Variants in PGBD4 observed in about 807,000 individuals in gnomAD.
PGBD4 encodes the protein piggyBac transposable element-derived protein 4.
PGBD4 carries 1 observed loss-of-function variant against 0.3 expected under a neutral mutation model. That is an observed-to-expected ratio of 3.72 (90% CI 1.32 to 17.64). The LOEUF (loss-of-function observed/expected upper bound fraction) is 17.64, where lower values mean the gene tolerates loss of function less well. Among genes scored for constraint, PGBD4 ranks in the 30% most tolerant of loss-of-function variants. PGBD4 has a pLI of 0.11. For synonymous variants in PGBD4, 253 were observed against 267.7 expected, an observed-to-expected ratio of 0.95 and a Z score of 0.54; for missense variants, 624 against 719.7, an observed-to-expected ratio of 0.87 and a Z score of 1.52.
In PGBD4 at chr15:34,103,165, A is replaced by G. The variant is rs547379354; in HGVS notation, c.634A>G (p.Ile212Val). 4 of 1,614,072 alleles carry G rather than the reference A, an allele frequency of 2.5e-6. No homozygotes were observed. Among genetic ancestry groups the G allele is most frequent in the South Asian group, 2.2e-5 (2 of 91,088 alleles). ...CCTGCATTTTGTCAACAATTCTTCT[A>G]TATCTGCTGGTCAATCAAAGGCCCA... ...RCLHFVNNSS[I>V]SAGQSKAQIS... Residue 212 changes from isoleucine (I) to valine (V), a missense_variant, in exon 1 of 1, where the codon ATA becomes GTA. Transcript: ENST00000397766. The surrounding 1 kb of genome is among the most constrained non-coding windows in gnomAD (Gnocchi z 4.6).
rs1177623423 is a variant in PGBD4 at position 34,103,398 on chromosome 15, G to A, written c.867G>A (p.Trp289Ter). The part of the protein sequence containing the change: ...VLCESQSGYV[W>*]NALVHTGPGM... The stretch of plus-strand genomic sequence containing the variant: ...GTGAAAGTCAGTCTGGTTATGTGTG[G>A]AATGCGCTTGTTCACACAGGGCCTG... Residue 289 changes from tryptophan (W) to a stop codon, truncating the protein, a stop_gained, in exon 1 of 1, where the codon TGG (tryptophan) becomes TGA (stop). Coordinates refer to ENST00000397766, the MANE Select transcript of PGBD4 (RefSeq NM_152595.5). LOFTEE classifies it low-confidence loss of function (END_TRUNC). The surrounding 1 kb of genome is among the most constrained non-coding windows in gnomAD (Gnocchi z 4.6). The A allele has an allele frequency of 6.2e-7, 1 of 1,614,236 alleles. No homozygotes were observed. The highest frequency in any genetic ancestry group is 1.1e-5 in the South Asian group (1 of 91,090).
chr15:34,107,494 G>C lies in PGBD4; in HGVS notation c.*3205G>C, dbSNP rs746774387. ...GCTAGATCAAAGAGTATGTGCCTTTGTAATTTTGATGATATTGTGAAATCT... is the reference window on the plus strand; with the variant it reads ...GCTAGATCAAAGAGTATGTGCCTTTCTAATTTTGATGATATTGTGAAATCT... On this transcript the variant is annotated 3_prime_UTR_variant, in exon 1 of 1. Coordinates refer to ENST00000397766, the MANE Select transcript of PGBD4 (RefSeq NM_152595.5). 16 of 152,170 alleles carry C rather than the reference G, an allele frequency of 1.1e-4. No homozygotes were observed. The highest frequency in any genetic ancestry group is 2.2e-4 in the Non-Finnish European group (15 of 68,038). 9.4% of individuals were successfully genotyped at this position (152,170 alleles called of 1,614,324 possible). A position where few individuals can be genotyped will look rare whatever the true frequency, so the allele number is the denominator to read the frequency against.
Position 34,107,370 on chromosome 15 carries a change from T to C in PGBD4, c.*3081T>C, listed in dbSNP as rs978444528. 1 of 152,166 alleles carries C rather than the reference T, an allele frequency of 6.6e-6. No homozygotes were observed. Among genetic ancestry groups the C allele is most frequent in the Non-Finnish European group, 1.5e-5 (1 of 68,038 alleles). The allele number at this position is 152,166 out of a possible 1,614,324, so 9.4% of individuals were successfully genotyped here. ...CGAGCAACATTAAGATTGTGTCCTA[T>C]TTTACTATTCCTAATTTTGCTGAAG... On this transcript the variant is annotated 3_prime_UTR_variant, in exon 1 of 1. Coordinates refer to ENST00000397766, the MANE Select transcript of PGBD4 (RefSeq NM_152595.5).
chr15:34,107,724 T>A lies in PGBD4; in HGVS notation c.*3435T>A, dbSNP rs1261655340. On this transcript the variant is annotated 3_prime_UTR_variant, in exon 1 of 1. Transcript: ENST00000397766. ...TTGCCCAGGCTGGAGTGCAGTGGCG[T>A]GATCTCGGCTCACTGTAACCTCCGC... 6.6e-6 allele frequency: 1 copy of A among 150,874 alleles called. No homozygotes were observed. The highest frequency in any genetic ancestry group is 1.5e-5 in the Non-Finnish European group (1 of 67,878). 9.3% of individuals were successfully genotyped at this position (150,874 alleles called of 1,614,324 possible).
At position 34,103,305 on chromosome 15, in the gene PGBD4, G is replaced by T; in HGVS notation, c.774G>T (p.Gly258=). 6.2e-7 allele frequency: 1 copy of T among 1,614,166 alleles called. No homozygotes were observed. Among genetic ancestry groups the T allele is most frequent in the Non-Finnish European group, 8.5e-7 (1 of 1,180,042 alleles). The part of the protein sequence containing the change: ...AVDESLMLFK[G]PLAMKQYLPT... ...ATGAATCACTGATGCTGTTCAAGGG[G>T]CCATTAGCTATGAAGCAGTACCTCC... The change falls in exon 1 of 1, where the codon GGG becomes GGT. Residue 258 remains glycine, a synonymous_variant. Coordinates refer to ENST00000397766, the MANE Select transcript of PGBD4 (RefSeq NM_152595.5). The surrounding 1 kb of genome is among the most constrained non-coding windows in gnomAD (Gnocchi z 4.6).
At position 34,103,907 on chromosome 15, in the gene PGBD4, T is replaced by C. The variant is rs781212435; in HGVS notation, c.1376T>C (p.Leu459Pro). The C allele has an allele frequency of 6.2e-7, 1 of 1,614,088 alleles. No homozygotes were observed. The highest frequency in any genetic ancestry group is 8.5e-7 in the Non-Finnish European group (1 of 1,180,022). ...TGGTATAAGAAATTCTTTCACCATC[T>C]TCTACACATTACAGTGCTGAACTCC... ...KVWYKKFFHHLLHITVLNSYI... is the reference protein window; with the variant it reads ...KVWYKKFFHHPLHITVLNSYI... Residue 459 changes from leucine to proline, a missense_variant, in exon 1 of 1, where the codon CTT (leucine) becomes CCT (proline). By Grantham distance (98) the Leu-to-Pro change is moderately conservative (BLOSUM62 -3). Coordinates refer to ENST00000397766, the MANE Select transcript of PGBD4 (RefSeq NM_152595.5). The surrounding 1 kb of genome is among the most constrained non-coding windows in gnomAD (Gnocchi z 4.6).
Position 34,104,333 on chromosome 15 carries a change from A to C in PGBD4, c.*44A>C. 1 of 1,557,156 alleles carries C rather than the reference A, an allele frequency of 6.4e-7. No homozygotes were observed. The highest frequency in any genetic ancestry group is 8.7e-7 in the Non-Finnish European group (1 of 1,151,504). On this transcript the variant is annotated 3_prime_UTR_variant, in exon 1 of 1. Transcript: ENST00000397766. ...ATCTGTTCCATTAGGATTAGAGACA[A>C]GTTCTGTTTAGAAATAACTCCAAGA... is the stretch of plus-strand genomic sequence containing the variant.
In PGBD4 at chr15:34,103,521, C is replaced by T. The variant is rs780985754; in HGVS notation, c.990C>T (p.Leu330=). The T allele has an allele frequency of 1.1e-5, 17 of 1,614,022 alleles. No homozygotes were observed. The highest frequency in any genetic ancestry group is 3.3e-5 in the Admixed American group (2 of 59,996). ...DLLGQGYCVF[L]DNFNISPMLF... ...TTGGCCAAGGGTATTGTGTCTTCCT[C>T]GATAACTTTAATATATCTCCCATGC... The change falls in exon 1 of 1, where the codon CTC becomes CTT. Residue 330 remains leucine (L), a synonymous_variant. Transcript: ENST00000397766. The surrounding 1 kb of genome is among the most constrained non-coding windows in gnomAD (Gnocchi z 4.6).
At position 34,102,513 on chromosome 15, in the gene PGBD4, G is replaced by C; in HGVS notation, c.-19G>C. On this transcript the variant is annotated 5_prime_UTR_variant, in exon 1 of 1. Coordinates refer to ENST00000397766, the MANE Select transcript of PGBD4 (RefSeq NM_152595.5). The surrounding 1 kb of genome is among the most constrained non-coding windows in gnomAD (Gnocchi z 4.7). The stretch of plus-strand genomic sequence containing the variant: ...GTGGGATTTCCATCTACAAAATATA[G>C]TAATTCTCGATCGCTGAAATGTCAA... 1 of 1,491,132 alleles carries C rather than the reference G, an allele frequency of 6.7e-7. No individual in the cohort carries two copies. The highest frequency in any genetic ancestry group is 8.9e-7 in the Non-Finnish European group (1 of 1,121,266). 92.4% of individuals were successfully genotyped at this position (1,491,132 alleles called of 1,614,324 possible). A position where few individuals can be genotyped will look rare whatever the true frequency, so the allele number is the denominator to read the frequency against.
In PGBD4 at chr15:34,105,475, T is replaced by G. The variant is rs552043939; in HGVS notation, c.*1186T>G. On this transcript the variant is annotated 3_prime_UTR_variant, in exon 1 of 1. Transcript: ENST00000397766. ...GCATCATGGGAAAGAGTAACAGCAATTGAAAAAAGAGATTCAAGAGCCAAG... is the reference window on the plus strand; with the variant it reads ...GCATCATGGGAAAGAGTAACAGCAAGTGAAAAAAGAGATTCAAGAGCCAAG... The G allele has an allele frequency of 1.1e-4, 18 of 167,124 alleles. No individual in the cohort carries two copies. Among genetic ancestry groups the G allele is most frequent in the African/African-American group, 4.3e-4 (18 of 41,546 alleles). The allele number at this position is 167,124 out of a possible 1,614,324, so 10.4% of individuals were successfully genotyped here.
rs150359363 is a variant in PGBD4 at position 34,103,728 on chromosome 15, C to T, written c.1197C>T (p.Phe399=). 197 of 1,614,082 alleles carry T rather than the reference C, an allele frequency of 1.2e-4. No individual in the cohort carries two copies. The African/African-American group carries it at 2.3e-3, about 19-fold the overall frequency. The change falls in exon 1 of 1, where the codon TTC becomes TTT. Residue 399 remains phenylalanine, a synonymous_variant. Transcript: ENST00000397766. This position sits in a 1 kb window ranked among gnomAD's most constrained non-coding sequence, Gnocchi z 4.6. ...DGKEVTMLST[F]HNDTVIEVNN... ...AGGAGGTGACAATGTTGTCAACATT[C>T]CACAATGATACTGTGATTGAAGTAA...
rs748764234 is a variant in PGBD4 at position 34,102,994 on chromosome 15, C to T, written c.463C>T (p.Leu155Phe). ...ATGGAAAGACACTGACAATGACGAGCTCAAAGTCTTTTTTGCAGTAATGTT... is the reference window on the plus strand; with the variant it reads ...ATGGAAAGACACTGACAATGACGAGTTCAAAGTCTTTTTTGCAGTAATGTT... ...DKWKDTDNDELKVFFAVMLLQ... is the reference protein window; with the variant it reads ...DKWKDTDNDEFKVFFAVMLLQ... The change falls in exon 1 of 1, where the codon CTC becomes TTC. Residue 155 changes from leucine to phenylalanine, a missense_variant. Coordinates refer to ENST00000397766, the MANE Select transcript of PGBD4 (RefSeq NM_152595.5). This position sits in a 1 kb window ranked among gnomAD's most constrained non-coding sequence, Gnocchi z 4.7. 6.2e-7 allele frequency: 1 copy of T among 1,614,068 alleles called. No homozygotes were observed. Among genetic ancestry groups the T allele is most frequent in the Non-Finnish European group, 8.5e-7 (1 of 1,180,032 alleles).
rs1474853461 is a variant in PGBD4 at position 34,102,958 on chromosome 15, C to T, written c.427C>T (p.Arg143Ter). 2.5e-6 allele frequency: 4 copies of T among 1,613,916 alleles called. No homozygotes were observed. Among genetic ancestry groups the T allele is most frequent in the African/African-American group, 1.3e-5 (1 of 74,910 alleles). Residue 143 changes from arginine to a stop codon, truncating the protein, a stop_gained, in exon 1 of 1, where the codon CGA (arginine) becomes TGA (stop). Transcript: ENST00000397766. LOFTEE classifies it low-confidence loss of function (END_TRUNC). The surrounding 1 kb of genome is among the most constrained non-coding windows in gnomAD (Gnocchi z 4.7). ...SKPPGPKGFSRMDKWKDTDND... is the reference protein window; with the variant it reads ...SKPPGPKGFS ...GCCACCGGGTCCGAAAGGATTTTCG[C>T]GAATGGATAAATGGAAAGACACTGA...
chr15:34,102,355 G>A lies in PGBD4; in HGVS notation c.-177G>A. ...TGCAGCGTTTACGCCGAGATAACTC[G>A]TGGATTACAGTGCCAACCTTACTCC... On this transcript the variant is annotated 5_prime_UTR_variant, in exon 1 of 1. The change creates a new upstream start codon in the 5' untranslated region. Coordinates refer to ENST00000397766, the MANE Select transcript of PGBD4 (RefSeq NM_152595.5). The surrounding 1 kb of genome is among the most constrained non-coding windows in gnomAD (Gnocchi z 4.7). 1.1e-6 allele frequency: 1 copy of A among 937,634 alleles called. No individual in the cohort carries two copies. The highest frequency in any genetic ancestry group is 3.3e-5 in the Admixed American group (1 of 29,938). The allele number at this position is 937,634 out of a possible 1,614,324, so 58.1% of individuals were successfully genotyped here.
In PGBD4 at chr15:34,102,580, G is replaced by A; in HGVS notation, c.49G>A (p.Gly17Ser). 6.3e-7 allele frequency: 1 copy of A among 1,597,486 alleles called. No homozygotes were observed. Among genetic ancestry groups the A allele is most frequent in the Non-Finnish European group, 8.5e-7 (1 of 1,171,144 alleles). ...RSIPMRDSNT[G>S]LEQLLAEDSF... Reference sequence around the variant, plus strand: ...CATTCCTATGCGTGATAGTAATACCGGTCTCGAACAGTTGTTGGCTGAAGA... The same window carrying A: ...CATTCCTATGCGTGATAGTAATACCAGTCTCGAACAGTTGTTGGCTGAAGA... Residue 17 changes from glycine (G) to serine (S), a missense_variant, in exon 1 of 1, where the codon GGT becomes AGT. Physicochemically the swap from Gly to Ser is moderately conservative, Grantham distance 56. Coordinates refer to ENST00000397766, the MANE Select transcript of PGBD4 (RefSeq NM_152595.5). This position sits in a 1 kb window ranked among gnomAD's most constrained non-coding sequence, Gnocchi z 4.7.
chr15:34,104,982 A>G lies in PGBD4; in HGVS notation c.*693A>G, dbSNP rs1887739534. The G allele has an allele frequency of 6.3e-6, 1 of 159,910 alleles. No homozygotes were observed. Among genetic ancestry groups the G allele is most frequent in the South Asian group, 2.1e-4 (1 of 4,832 alleles). The allele number at this position is 159,910 out of a possible 1,614,324, so 9.9% of individuals were successfully genotyped here. ...TTTATATTTTATTTTCACATTGAAA[A>G]TCAGTCAGATTTGCTTCAGCCTCAA... On this transcript the variant is annotated 3_prime_UTR_variant, in exon 1 of 1. Coordinates refer to ENST00000397766, the MANE Select transcript of PGBD4 (RefSeq NM_152595.5).
chr15:34,106,953 T>C lies in PGBD4; in HGVS notation c.*2664T>C, dbSNP rs1887769503. ...TCCTGGGCAACATAGCCAGACCCTGTCTCTAAAAAAAAAAAAAAAAAAAAA... is the reference window on the plus strand; with the variant it reads ...TCCTGGGCAACATAGCCAGACCCTGCCTCTAAAAAAAAAAAAAAAAAAAAA... On this transcript the variant is annotated 3_prime_UTR_variant, in exon 1 of 1. Coordinates refer to ENST00000397766, the MANE Select transcript of PGBD4 (RefSeq NM_152595.5). 1 of 52,566 alleles carries C rather than the reference T, an allele frequency of 1.9e-5. No individual in the cohort carries two copies. The highest frequency in any genetic ancestry group is 9.7e-4 in the South Asian group (1 of 1,036). The allele number at this position is 52,566 out of a possible 1,614,324, so 3.3% of individuals were successfully genotyped here. A position where few individuals can be genotyped will look rare whatever the true frequency, so the allele number is the denominator to read the frequency against.
rs1901214201 is a variant in PGBD4 at position 34,103,319 on chromosome 15, A to G, written c.788A>G (p.Lys263Arg). The G allele has an allele frequency of 1.2e-6, 2 of 1,614,214 alleles. No individual in the cohort carries two copies. The highest frequency in any genetic ancestry group is 1.7e-6 in the Non-Finnish European group (2 of 1,180,038). ...CTGTTCAAGGGGCCATTAGCTATGA[A>G]GCAGTACCTCCCGACAAAACGAGTA... ...LMLFKGPLAM[K>R]QYLPTKRVRF... Residue 263 changes from lysine (K) to arginine (R), a missense_variant, in exon 1 of 1, where the codon AAG becomes AGG. By Grantham distance (26) the Lys-to-Arg change is conservative. Coordinates refer to ENST00000397766, the MANE Select transcript of PGBD4 (RefSeq NM_152595.5). This position sits in a 1 kb window ranked among gnomAD's most constrained non-coding sequence, Gnocchi z 4.6.
At position 34,103,977 on chromosome 15, in the gene PGBD4, T is replaced by C. The variant is rs751671058; in HGVS notation, c.1446T>C (p.His482=). 49 of 1,614,044 alleles carry C rather than the reference T, an allele frequency of 3.0e-5. 1 individual carries two copies. The highest frequency in any genetic ancestry group is 4.1e-5 in the Non-Finnish European group (48 of 1,180,044). ...ATAATCCTGAGCACACGATGAGCCA[T>C]ATAAACTTCAGACTGGCATTGATTG... is the stretch of plus-strand genomic sequence containing the variant. ...KKDNPEHTMS[H]INFRLALIER... The change falls in exon 1 of 1, where the codon CAT becomes CAC. Residue 482 remains histidine (H), a synonymous_variant. Transcript: ENST00000397766. This position sits in a 1 kb window ranked among gnomAD's most constrained non-coding sequence, Gnocchi z 4.6.
Sources: allele counts gnomAD v4.1 joint callset, GRCh38; gene constraint gnomAD v4.1.1; non-coding constraint Gnocchi (gnomAD v3.1); transcripts MANE v1.5; gene names NCBI Gene and HGNC (gene_info 2026-07-23, HGNC 2026-07-21).